SLCO3A1: variants seen among roughly 807,000 people sequenced by gnomAD.
The protein encoded by SLCO3A1 is solute carrier organic anion transporter family member 3A1.
In SLCO3A1, 27 loss-of-function variants were observed where a neutral mutation model predicts 63.1. That is an observed-to-expected ratio of 0.43 (90% CI 0.32 to 0.59). SLCO3A1 has a LOEUF of 0.59. Among genes scored for constraint, SLCO3A1 ranks in the 20% least tolerant of loss-of-function variants. SLCO3A1 has a pLI of 0.09. For missense variants in SLCO3A1, 773 were observed against 945.8 expected, an observed-to-expected ratio of 0.82 and a Z score of 2.40; for synonymous variants, 473 against 409.9, an observed-to-expected ratio of 1.15 and a Z score of -1.86.
At chr15:91,997,557 T>C (rs1434750944) in intron 2 of SLCO3A1, among the ~76,000 whole-genome samples, 1 of 152,190 alleles carries the variant, frequency 6.6e-6, no homozygotes, top group Admixed American at 6.5e-5. Context: ...AAAGCAATCC[T>C]AAGCAAAAAG....
chr15:92,053,514 C>G (rs1392769950), intron 2 of SLCO3A1, among the ~76,000 whole-genome samples: 1 of 152,076 alleles, frequency 6.6e-6, no homozygotes, highest in Admixed American at 6.5e-5. Context: ...GTCCCAGGAT[C>G]CCATCCGGGA....
downstream of SLCO3A1, among the ~76,000 whole-genome samples, chr15:92,170,650 C>G (rs1392451290): frequency 3.9e-5 from 6 of 152,212 alleles, no homozygotes; most frequent in Non-Finnish European, 8.8e-5. Context: ...TGGGAAACCC[C>G]TAGCAGGAGT....
At chr15:92,172,172 C>G (rs998561221) in exon 11 of SLCO3A1, 2 of 252,346 alleles carry the variant, frequency 7.9e-6, no homozygotes, top group Admixed American at 5.3e-5. Context: ...GATGGCTTGC[C>G]GACATGCTTT....
intron 4 of SLCO3A1, among the ~76,000 whole-genome samples, chr15:92,112,545 C>G (rs1317663222): frequency 6.6e-6 from 1 of 152,130 alleles, no homozygotes; most frequent in Non-Finnish European, 1.5e-5. Context: ...TTCGAAGCCC[C>G]CTAGATGATT....
chr15:92,059,262 C>G (rs1240353546), intron 2 of SLCO3A1, among the ~76,000 whole-genome samples: 2 of 152,226 alleles, frequency 1.3e-5, no homozygotes, highest in Non-Finnish European at 2.9e-5. Context: ...TGCAAGGACA[C>G]TGTTACCTGT....
At chr15:92,119,503 A>T (rs1398242314) in intron 4 of SLCO3A1, among the ~76,000 whole-genome samples, 2 of 152,176 alleles carry the variant, frequency 1.3e-5, no homozygotes. Flanking sequence ...CTGGGTGATG[A>T]GAAGAGACCC....
intron 2 of SLCO3A1, among the ~76,000 whole-genome samples, chr15:92,045,095 G>A (rs902079496): frequency 2.6e-5 from 4 of 151,930 alleles, no homozygotes; most frequent in South Asian, 2.1e-4. Context: ...CCTGGCTAAT[G>A]TGGTGAAACA....
intron 2 of SLCO3A1, among the ~76,000 whole-genome samples, chr15:92,024,867 A>G (rs564485962): frequency 1.3e-5 from 2 of 152,092 alleles, no homozygotes; most frequent in South Asian, 4.1e-4. Context: ...CTTCCCATTC[A>G]TCAACCCACC....
chr15:92,115,470 C>T (rs565808338), intron 4 of SLCO3A1, among the ~76,000 whole-genome samples: 45 of 152,226 alleles, frequency 3.0e-4, no homozygotes, highest in African/African-American at 1.1e-3. Context: ...ATGACTTGAC[C>T]GTGGATCACT....
intron 2 of SLCO3A1, among the ~76,000 whole-genome samples, chr15:91,937,711 T>A (rs1597137871): frequency 1.6e-5 from 2 of 122,158 alleles, no homozygotes; most frequent in African/African-American, 6.5e-5. Context: ...AGTGCAAGAC[T>A]CCATCTCAAA....
chr15:91,880,754 C>CGTA (rs1897561573), intron 1 of SLCO3A1, among the ~76,000 whole-genome samples: 1 of 151,952 alleles, frequency 6.6e-6, no homozygotes. Flanking sequence ...GTTAGTTAAC[C>CGTA]GTTCACCTCT....
intron 1 of SLCO3A1, among the ~76,000 whole-genome samples, chr15:91,899,158 A>G (rs1898085812): frequency 6.6e-6 from 1 of 152,216 alleles, no homozygotes; most frequent in Non-Finnish European, 1.5e-5. Context: ...AACATTCTGG[A>G]ACTCTGGACA....
chr15:91,991,881 G>A (rs1296787146), intron 2 of SLCO3A1, among the ~76,000 whole-genome samples: 2 of 152,192 alleles, frequency 1.3e-5, no homozygotes, highest in Non-Finnish European at 2.9e-5. Context: ...TGTAGAGCTA[G>A]ATAAGTTGAA....
At chr15:91,913,804 C>G (rs184956273) in intron 1 of SLCO3A1, among the ~76,000 whole-genome samples, 23 of 152,164 alleles carry the variant, frequency 1.5e-4, no homozygotes, top group African/African-American at 5.1e-4. Flanking sequence ...GTAGACACAC[C>G]CGGTTGGTCA....
chr15:91,890,960 G>A (rs1040481367), intron 1 of SLCO3A1, among the ~76,000 whole-genome samples: 3 of 152,182 alleles, frequency 2.0e-5, no homozygotes, highest in African/African-American at 4.8e-5. Context: ...TAATTGCCAC[G>A]TAATGTGTGC....
At chr15:92,039,651 G>C (rs2046772565) in intron 2 of SLCO3A1, among the ~76,000 whole-genome samples, 1 of 152,324 alleles carries the variant, frequency 6.6e-6, no homozygotes, top group Non-Finnish European at 1.5e-5. Flanking sequence ...ATGGAAGACA[G>C]TGTGGCGATT....
intron 2 of SLCO3A1, among the ~76,000 whole-genome samples, chr15:91,990,910 G>C (rs2046118510): frequency 1.3e-5 from 2 of 152,308 alleles, no homozygotes; most frequent in African/African-American, 4.8e-5. Context: ...TCAGTGTTGA[G>C]GAGCAGTAGA....
At chr15:92,047,535 AT>A in intron 2 of SLCO3A1, among the ~76,000 whole-genome samples, 1 of 24,646 alleles carries the variant, frequency 4.1e-5, no homozygotes, top group Non-Finnish European at 6.2e-5. Flanking sequence ...AAATATATAA[AT>A]ATATATAATA....
intron 2 of SLCO3A1, among the ~76,000 whole-genome samples, chr15:91,930,807 CT>C (rs1319424454): frequency 4.3e-5 from 4 of 93,424 alleles, no homozygotes; most frequent in African/African-American, 1.5e-4. Context: ...AAAACAACCC[CT>C]GAGTTAGTTT....
Sources: gnomAD v4.1 joint callset for allele counts (sites outside exome capture counted in the v4.1 genomes callset) on GRCh38, gnomAD v4.1.1 for gene constraint, MANE v1.5 for transcripts, NCBI Gene and HGNC (gene_info 2026-07-23, HGNC 2026-07-21) for gene names.